The following ADGRG1 variants were observed in gnomAD, a reference collection of about 807,000 sequenced individuals.
The protein encoded by ADGRG1 is 7-transmembrane protein with no EGF-like N-terminal domains-1.
A neutral mutation model predicts 73.5 loss-of-function variants in ADGRG1; 53 were observed. The ratio of observed to expected loss-of-function variants is 0.72; its 90% CI spans 0.58 to 0.91. The LOEUF is 0.91. Among genes scored for constraint, ADGRG1 ranks in the 40% least tolerant of loss-of-function variants. ADGRG1 has a pLI of 0.00. For synonymous variants in ADGRG1, 394 were observed against 374.4 expected, an observed-to-expected ratio of 1.05 and a Z score of -0.60; for missense variants, 795 against 871.8, an observed-to-expected ratio of 0.91 and a Z score of 1.11.
chr16:57,653,929 C>T, intron 4 of ADGRG1, 57 bp from the exon 5 acceptor site: 1 of 1,611,166 alleles, frequency 6.2e-7, no homozygotes, highest in Non-Finnish European at 8.5e-7. Context: ...CTGCCTCAGT[C>T]TCCCTGGTGG....
chr16:57,648,020 G>C (rs180711522), intron 1 of ADGRG1: 1 of 152,688 alleles, frequency 6.5e-6, no homozygotes, highest in African/African-American at 2.4e-5. Context: ...CCAGGGAGAT[G>C]CATGGATTCT....
At chr16:57,653,516 G>A (rs1344857168) in intron 4 of ADGRG1, 181 bp downstream of exon 4, 1 of 985,252 alleles carries the variant, frequency 1.0e-6, no homozygotes, top group Admixed American at 6.1e-5. Context: ...GCCCTCTCCT[G>A]TCTGAGTCAG....
intron 1 of ADGRG1, chr16:57,641,621 AGTG>A: frequency 1.1e-6 from 1 of 896,524 alleles, no homozygotes. Context: ...GCTGGAGTGC[AGTG>A]GTGTGATCTT....
Position 57,642,388 on chromosome 16 carries a change from A to T in ADGRG1, c.-35-7865A>T, listed in dbSNP as rs964453789. 6.5e-5 allele frequency: 64 copies of T among 985,070 alleles called. 1 individual carries two copies. Among genetic ancestry groups the T allele is most frequent in the Non-Finnish European group, 1.4e-5 (12 of 829,802 alleles). The allele number at this position is 985,070 out of a possible 1,614,324, so 61.0% of individuals were successfully genotyped here. On this transcript the variant is annotated intron_variant, in intron 1 of 13. Transcript: ENST00000562631. ...TGTCTCCTCTAGCTCATCTCATGCT[A>T]GCTAATGACCTTTGGGACAGCTCAA...
chr16:57,628,250 G>A (rs2036294859), upstream of ADGRG1: 2 of 903,376 alleles, frequency 2.2e-6, no homozygotes, highest in African/African-American at 1.8e-5. Flanking sequence ...CCTGGGGGGT[G>A]GGCGGACAGC....
chr16:57,662,417 G>A (rs1257082370), intron 13 of ADGRG1, among the ~76,000 whole-genome samples: 2 of 152,128 alleles, frequency 1.3e-5, no homozygotes, highest in East Asian at 1.9e-4. Flanking sequence ...AGAGATGGGG[G>A]GGCCTCCCTA....
At position 57,653,244 on chromosome 16, in the gene ADGRG1, T is replaced by C; in HGVS notation, c.529T>C (p.Cys177Arg). The change falls in exon 4 of 14, where the codon TGC becomes CGC. Residue 177 changes from cysteine (C) to arginine (R), a missense_variant. Transcript: ENST00000562631. ...CGCTCACAATGCCTCGGTGGACATG[T>C]GCGAGCTCAAAAGGGACCTCCAGCT... ...TAAHNASVDM[C>R]ELKRDLQLLS... The C allele has an allele frequency of 6.2e-7, 1 of 1,612,332 alleles. No homozygotes were observed. The highest frequency in any genetic ancestry group is 8.5e-7 in the Non-Finnish European group (1 of 1,179,970).
At chr16:57,661,572 G>T in intron 12 of ADGRG1, 125 bp from the exon 13 acceptor site, 1 of 1,517,564 alleles carries the variant, frequency 6.6e-7, no homozygotes, top group Non-Finnish European at 8.8e-7. Context: ...CATCAACACT[G>T]TAAATAGAAA....
In ADGRG1 at chr16:57,639,359, A is replaced by G. The variant is rs1173644374; in HGVS notation, c.-36+10557A>G. 5 of 985,362 alleles carry G rather than the reference A, an allele frequency of 5.1e-6. No homozygotes were observed. In the Admixed American group the frequency reaches 2.5e-4, roughly 48 times the overall value. The allele number at this position is 985,362 out of a possible 1,614,324, so 61.0% of individuals were successfully genotyped here. On this transcript the variant is annotated intron_variant, in intron 1 of 13. Coordinates refer to ENST00000562631, the MANE Select transcript of ADGRG1 (RefSeq NM_201525.4). ...CTGGGTCTGAGCCGGGGTGTGACGT[A>G]GTCCCTGCAGCTGCCAACGGTTGCC...
At chr16:57,650,026 T>G (rs1597437609) in intron 1 of ADGRG1, 1 of 475,930 alleles carries the variant, frequency 2.1e-6, no homozygotes, top group East Asian at 1.5e-4. Context: ...GATCCTCCTT[T>G]CTCAGCCTCC....
rs935742 is a variant in ADGRG1, at chr16:57,642,532, C to A, written c.-35-7721C>A. ...CCGTGCAAAAAAGGCTCTACCTTCA[C>A]GTTGGGTTGGGAAACTGCCCAACCA... is the stretch of plus-strand genomic sequence containing the variant. On this transcript the variant is annotated intron_variant, in intron 1 of 13. Coordinates refer to ENST00000562631, the MANE Select transcript of ADGRG1 (RefSeq NM_201525.4). 1.3e-5 allele frequency: 13 copies of A among 976,472 alleles called. No homozygotes were observed. The Middle Eastern group carries it at 2.1e-3, about 158-fold the overall frequency. The allele number at this position is 976,472 out of a possible 1,614,324, so 60.5% of individuals were successfully genotyped here. A position where few individuals can be genotyped will look rare whatever the true frequency, so the allele number is the denominator to read the frequency against.
intron 2 of ADGRG1, chr16:57,622,628 C>A: frequency 3.8e-6 from 1 of 261,786 alleles, no homozygotes; most frequent in Non-Finnish European, 5.9e-6. Flanking sequence ...GTGGCTCAGC[C>A]TTGCTCTGGG....
chr16:57,660,389 G>C, intron 11 of ADGRG1: 2 of 985,080 alleles, frequency 2.0e-6, no homozygotes, highest in Non-Finnish European at 2.4e-6. Flanking sequence ...TCCACCGAAC[G>C]GGCGAGGTCA....
At chr16:57,648,689 C>T (rs978916226) in intron 1 of ADGRG1, 10 of 984,372 alleles carry the variant, frequency 1.0e-5, no homozygotes, top group East Asian at 2.3e-4. Context: ...GTGTGTTCTC[C>T]GGCTTGTGGC....
chr16:57,622,522 C>G (rs1287739945), intron 2 of ADGRG1, among the ~76,000 whole-genome samples: 1 of 152,012 alleles, frequency 6.6e-6, no homozygotes, highest in Non-Finnish European at 1.5e-5. Context: ...AGAGTCTCAC[C>G]GAAGAACCCA....
intron 13 of ADGRG1, chr16:57,663,130 C>A: frequency 1.1e-6 from 1 of 947,856 alleles, no homozygotes; most frequent in Non-Finnish European, 1.3e-6. Context: ...ACTTCAGAGC[C>A]TGTTCACCAC....
intron 1 of ADGRG1, chr16:57,646,637 G>A: frequency 1.0e-6 from 1 of 985,284 alleles, no homozygotes; most frequent in South Asian, 4.7e-5. Context: ...GGATTCTAAA[G>A]CCGGGGAGTT....
At chr16:57,649,781 C>G (rs746233406) in intron 1 of ADGRG1, among the ~76,000 whole-genome samples, 2 of 151,308 alleles carry the variant, frequency 1.3e-5, no homozygotes, top group African/African-American at 2.4e-5. Context: ...GCCACTCCCC[C>G]GCCTTTTTTT....
chr16:57,644,978 A>C (rs1446837612), intron 1 of ADGRG1: 22 of 693,804 alleles, frequency 3.2e-5, no homozygotes, highest in East Asian at 1.4e-4. Context: ...ATGGGCACAC[A>C]CCCCCATGCA....
Sources: allele counts gnomAD v4.1 joint callset (sites outside exome capture counted in the v4.1 genomes callset), GRCh38; gene constraint gnomAD v4.1.1; transcripts MANE v1.5; gene names NCBI Gene and HGNC (gene_info 2026-07-23, HGNC 2026-07-21).